The following DENND1B variants were observed in gnomAD, a reference collection of about 807,000 sequenced individuals.
The protein encoded by DENND1B is DENN domain-containing protein 1B.
DENND1B carries 59 observed loss-of-function variants against 90.1 expected under a neutral mutation model. The ratio of observed to expected loss-of-function variants is 0.65; its 90% confidence interval spans 0.53 to 0.81. DENND1B has a LOEUF of 0.81. Among genes scored for constraint, DENND1B ranks in the 40% least tolerant of loss-of-function variants. The pLI, the probability that DENND1B is intolerant of heterozygous loss-of-function variation, is 0.00. For missense variants in DENND1B, 862 were observed against 912.6 expected (o/e 0.94, Z 0.71); for synonymous variants, 337 against 324.6 (o/e 1.04, Z -0.41).
chr1:197,510,591 C>A lies in DENND1B; in HGVS notation c.2197G>T (p.Gly733Trp). 1 of 1,612,748 alleles carries A rather than the reference C, an allele frequency of 6.2e-7. No homozygotes were observed. Among genetic ancestry groups the A allele is most frequent in the Non-Finnish European group, 8.5e-7 (1 of 1,179,188 alleles). ...TCTGAAGTCTCTTTGGCTTCTTTCC[C>A]TTCTTTCTCCCAAGGAACAAAAGTC... ...SSTFVPWEKE[G>W]KEAKETSEDI... The change falls in exon 23 of 23, where the codon GGG (glycine) becomes TGG (tryptophan). Residue 733 changes from glycine (G) to tryptophan (W), a missense_variant. By Grantham distance (184) the Gly-to-Trp change is radical. Coordinates refer to ENST00000620048, the MANE Select transcript of DENND1B (RefSeq NM_001195215.2).
intron 20 of DENND1B, among the ~76,000 whole-genome samples, chr1:197,515,761 T>C (rs956155070): frequency 6.6e-6 from 1 of 151,790 alleles, no homozygotes; most frequent in African/African-American, 2.4e-5. Flanking sequence ...TAAACAGCTC[T>C]AAGTCTAATG....
Position 197,507,209 on chromosome 1 carries a change from C to T in DENND1B, c.*3251G>A, listed in dbSNP as rs1667771803. 1 of 147,820 alleles carries T rather than the reference C, an allele frequency of 6.8e-6. No homozygotes were observed. The highest frequency in any genetic ancestry group is 6.8e-5 in the Admixed American group (1 of 14,748). The allele number at this position is 147,820 out of a possible 1,614,324, so 9.2% of individuals were successfully genotyped here. A position where few individuals can be genotyped will look rare whatever the true frequency, so the allele number is the denominator to read the frequency against. The stretch of plus-strand genomic sequence containing the variant: ...TTATTATTATTTTAATAAAAATTTG[C>T]AATTCCTTTTCCTTTGTTCCTTCAG... On this transcript the variant is annotated 3_prime_UTR_variant, in exon 23 of 23. Coordinates refer to ENST00000620048, the MANE Select transcript of DENND1B (RefSeq NM_001195215.2).
chr1:197,771,202 G>A (rs1008625076), intron 2 of DENND1B, among the ~76,000 whole-genome samples: 11 of 152,082 alleles, frequency 7.2e-5, no homozygotes, highest in African/African-American at 1.7e-4. Context: ...GTGAGCCACC[G>A]TGCCACGCCT....
chr1:197,767,651 A>G (rs1655859944), intron 2 of DENND1B, among the ~76,000 whole-genome samples: 1 of 152,218 alleles, frequency 6.6e-6, no homozygotes, highest in Non-Finnish European at 1.5e-5. Flanking sequence ...AATAGCCAGA[A>G]CTATTAGATC....
intron 16 of DENND1B, among the ~76,000 whole-genome samples, chr1:197,550,483 T>TA (rs1297330718): frequency 6.6e-6 from 1 of 151,958 alleles, no homozygotes; most frequent in Non-Finnish European, 1.5e-5. Context: ...TATGCAGCCA[T>TA]AAAAAATGAT....
intron 3 of DENND1B, among the ~76,000 whole-genome samples, chr1:197,706,798 G>C (rs937449565): frequency 4.6e-5 from 7 of 152,292 alleles, no homozygotes; most frequent in African/African-American, 1.7e-4. Context: ...AGGAGGCAGA[G>C]AAAGGGGAAC....
chr1:197,545,616 G>T, intron 18 of DENND1B: 2 of 243,078 alleles, frequency 8.2e-6, no homozygotes, highest in Non-Finnish European at 1.6e-5. Flanking sequence ...GTAAAATGTT[G>T]TTAAATGAAA....
chr1:197,666,920 G>A (rs1310255295), intron 5 of DENND1B, among the ~76,000 whole-genome samples: 1 of 152,180 alleles, frequency 6.6e-6, no homozygotes, highest in East Asian at 1.9e-4. Context: ...CACTTTGGGA[G>A]TTCAGGCGAT....
At chr1:197,555,611 A>C (rs1486792308) in intron 15 of DENND1B, among the ~76,000 whole-genome samples, 1 of 152,152 alleles carries the variant, frequency 6.6e-6, no homozygotes, top group Non-Finnish European at 1.5e-5. Context: ...AGAATGCTCA[A>C]CATCACTAAT....
At chr1:197,748,288 G>T (rs1341525754) in intron 2 of DENND1B, among the ~76,000 whole-genome samples, 14 of 132,588 alleles carry the variant, frequency 1.1e-4, no homozygotes, top group Non-Finnish European at 2.2e-4. Context: ...GGGGGTGGGG[G>T]CATGAAAAGT....
In DENND1B at chr1:197,510,485, T is replaced by C; in HGVS notation, c.2303A>G (p.Lys768Arg). Residue 768 changes from lysine (K) to arginine (R), a missense_variant, in exon 23 of 23, where the codon AAA (lysine) becomes AGA (arginine). Transcript: ENST00000620048. Reference sequence around the variant, plus strand: ...TTAAGTTTGGTTTCCATTTGTGTTTTTGTCTGAAATGTTCAAGCTTTGTTG... The same window carrying C: ...TTAAGTTTGGTTTCCATTTGTGTTTCTGTCTGAAATGTTCAAGCTTTGTTG... ...DFQQSLNISD[K>R]NTNGNQT The C allele has an allele frequency of 6.2e-7, 1 of 1,605,784 alleles. No individual in the cohort carries two copies. The highest frequency in any genetic ancestry group is 8.5e-7 in the Non-Finnish European group (1 of 1,175,798).
intron 13 of DENND1B, among the ~76,000 whole-genome samples, chr1:197,595,892 T>C (rs531599907): frequency 2.6e-5 from 4 of 152,210 alleles, no homozygotes; most frequent in Admixed American, 1.3e-4. Flanking sequence ...TATGCAAATG[T>C]TATACATTGT....
chr1:197,554,935 T>G (rs1671591376), intron 15 of DENND1B, among the ~76,000 whole-genome samples: 2 of 150,324 alleles, frequency 1.3e-5, no homozygotes, highest in Admixed American at 1.3e-4. Context: ...CAGAAAAAAT[T>G]AAGAAAGAAT....
chr1:197,744,778 T>C (rs956736585), intron 2 of DENND1B, among the ~76,000 whole-genome samples: 1 of 152,210 alleles, frequency 6.6e-6, no homozygotes, highest in African/African-American at 2.4e-5. Flanking sequence ...CAGAAAGCCT[T>C]ACATGGCATC....
chr1:197,736,689 C>A (rs973210513), intron 2 of DENND1B, among the ~76,000 whole-genome samples: 2 of 152,068 alleles, frequency 1.3e-5, no homozygotes, highest in Non-Finnish European at 2.9e-5. Context: ...TAAAAATCAT[C>A]CCTGAGATAA....
intron 3 of DENND1B, among the ~76,000 whole-genome samples, chr1:197,675,967 C>T (rs1170424789): frequency 6.6e-6 from 1 of 151,670 alleles, no homozygotes; most frequent in Non-Finnish European, 1.5e-5. Context: ...GAAACAGCCT[C>T]AGCTCGCTTC....
intron 21 of DENND1B, among the ~76,000 whole-genome samples, chr1:197,512,342 A>G (rs1422417161): frequency 6.6e-6 from 1 of 151,710 alleles, no homozygotes; most frequent in Non-Finnish European, 1.5e-5. Context: ...ATTCCTTTAC[A>G]TAGACAGAGA....
chr1:197,707,637 T>A (rs1328463279), intron 3 of DENND1B, among the ~76,000 whole-genome samples: 6 of 146,934 alleles, frequency 4.1e-5, no homozygotes, highest in African/African-American at 1.2e-4. Flanking sequence ...ATACATATAT[T>A]ATATAATATA....
In DENND1B at chr1:197,599,594, T is replaced by A. The variant is rs7535981; in HGVS notation, c.922-4261A>T. ...TAAAGTTGAAAACTTTTATTCTCCC[T>A]TGAATCATGTTATAGTTATCACATG... On this transcript the variant is annotated intron_variant, in intron 13 of 22. Coordinates refer to ENST00000620048, the MANE Select transcript of DENND1B (RefSeq NM_001195215.2). Among the ~76,000 whole-genome samples, 894 of 151,964 alleles carry A rather than the reference T, an allele frequency of 5.9e-3. 13 individuals carry two copies. Among genetic ancestry groups the A allele is most frequent in the African/African-American group, 0.02 (836 of 41,522 alleles).
Sources: gnomAD v4.1 joint callset for allele counts (sites outside exome capture counted in the v4.1 genomes callset) on GRCh38, gnomAD v4.1.1 for gene constraint, MANE v1.5 for transcripts, NCBI Gene and HGNC (gene_info 2026-07-23, HGNC 2026-07-21) for gene names.